PERP: variants seen among roughly 807,000 people sequenced by gnomAD.
PERP encodes p53 apoptosis effector related to PMP22.
In PERP, 11 loss-of-function variants were observed where a neutral mutation model predicts 20.3. The ratio of observed to expected loss-of-function variants is 0.54; its 90% CI spans 0.34 to 0.90. The LOEUF (loss-of-function observed/expected upper bound fraction) is 0.90. Ranked by LOEUF, PERP falls within the 40% of genes least tolerant of loss-of-function variation. The pLI, the probability that PERP is intolerant of heterozygous loss-of-function variation, is 0.02. For missense variants in PERP, 224 were observed against 249.4 expected (o/e 0.90, Z 0.69); for synonymous variants, 101 against 102.0 (o/e 0.99, Z 0.06).
Position 138,102,773 on chromosome 6 carries a change from A to C in PERP, c.214+4354T>G, listed in dbSNP as rs80345194. On this transcript the variant is annotated intron_variant, in intron 1 of 2. Coordinates refer to ENST00000421351, the MANE Select transcript of PERP (RefSeq NM_022121.5). ...CCAACTTTTTATTTTTTGCTGTGTA[A>C]GAACTTGAATGCATACATGCTCGTG... Among the ~76,000 whole-genome samples the C allele has an allele frequency of 3.9e-3, 594 of 152,282 alleles. 6 individuals are homozygous for C. Among genetic ancestry groups the C allele is most frequent in the African/African-American group, 0.013 (542 of 41,566 alleles).
At chr6:138,104,246 A>G (rs933557594) in intron 1 of PERP, among the ~76,000 whole-genome samples, 3 of 152,212 alleles carry the variant, frequency 2.0e-5, no homozygotes, top group Admixed American at 1.3e-4. Context: ...AATGATTTCA[A>G]TCATTAATCT....
At position 138,096,386 on chromosome 6, in the gene PERP, A is replaced by G. The variant is rs1446367780; in HGVS notation, c.323T>C (p.Leu108Pro). ...GGCAAGGAGACCTCCAATCACTCTCAGGAAGACAAGCATCTGGGGTCCACA... is the reference window on the plus strand; with the variant it reads ...GGCAAGGAGACCTCCAATCACTCTCGGGAAGACAAGCATCTGGGGTCCACA... The part of the protein sequence containing the change: ...ALCGPQMLVF[L>P]RVIGGLLALA... The change falls in exon 2 of 3, where the codon CTG (leucine) becomes CCG (proline). Residue 108 changes from leucine to proline, a missense_variant. Physicochemically the swap from Leu to Pro is moderately conservative, Grantham distance 98. Transcript: ENST00000421351. The G allele has an allele frequency of 1.2e-6, 2 of 1,613,982 alleles. No homozygotes were observed. Among genetic ancestry groups the G allele is most frequent in the Non-Finnish European group, 1.7e-6 (2 of 1,179,986 alleles).
chr6:138,101,409 G>A (rs1775771066), intron 1 of PERP, among the ~76,000 whole-genome samples: 1 of 152,180 alleles, frequency 6.6e-6, no homozygotes. Flanking sequence ...TGAAGCTTGA[G>A]AAAATAAAAT....
Position 138,107,099 on chromosome 6 carries a change from G to A in PERP, c.214+28C>T, listed in dbSNP as rs1209590296. 1 of 1,574,408 alleles carries A rather than the reference G, an allele frequency of 6.4e-7. No individual in the cohort carries two copies. Among genetic ancestry groups the A allele is most frequent in the South Asian group, 1.1e-5 (1 of 88,670 alleles). On this transcript the variant is annotated intron_variant, in intron 1 of 2. Transcript: ENST00000421351. The surrounding 1 kb of genome is among the most constrained non-coding windows in gnomAD (Gnocchi z 4.8). The stretch of plus-strand genomic sequence containing the variant: ...GCGGCCCCGAGGGCTTCCTGGAGGC[G>A]GCGACGGCGGCGGCGGCGGGCACTC...
At chr6:138,101,100 C>A (rs969686915) in intron 1 of PERP, among the ~76,000 whole-genome samples, 1 of 152,128 alleles carries the variant, frequency 6.6e-6, no homozygotes, top group Non-Finnish European at 1.5e-5. Context: ...AGGCCAGCCG[C>A]GGTGGCTCAA....
intron 1 of PERP, among the ~76,000 whole-genome samples, chr6:138,102,259 G>A (rs893824176): frequency 2.0e-5 from 3 of 152,208 alleles, no homozygotes; most frequent in Non-Finnish European, 2.9e-5. Flanking sequence ...GAGGGGAGAA[G>A]CCATTCTATA....
chr6:138,105,459 C>G (rs978937152), intron 1 of PERP, among the ~76,000 whole-genome samples: 5 of 152,180 alleles, frequency 3.3e-5, no homozygotes, highest in African/African-American at 1.2e-4. Context: ...AGGTGGAACA[C>G]CACACCCTAA....
At chr6:138,094,678 T>C (rs1367229582) in intron 2 of PERP, among the ~76,000 whole-genome samples, 1 of 152,162 alleles carries the variant, frequency 6.6e-6, no homozygotes, top group African/African-American at 2.4e-5. Context: ...ATATAGTATT[T>C]ACTAGGATTT....
Position 138,100,655 on chromosome 6 carries a change from T to G in PERP, c.215-4161A>C, listed in dbSNP as rs1775757625. ...TTGAGACCACAAAAGCATTCAGTAC[T>G]CCAGGTAAATAGATGCTGCGTTTCT... is the stretch of plus-strand genomic sequence containing the variant. On this transcript the variant is annotated intron_variant, in intron 1 of 2. Coordinates refer to ENST00000421351, the MANE Select transcript of PERP (RefSeq NM_022121.5). Among the ~76,000 whole-genome samples, 3 of 152,108 alleles carry G rather than the reference T, an allele frequency of 2.0e-5. 1 individual carries two copies. Among genetic ancestry groups the G allele is most frequent in the South Asian group, 4.2e-4 (2 of 4,816 alleles).
chr6:138,101,201 C>G (rs145562245), intron 1 of PERP, among the ~76,000 whole-genome samples: 1,587 of 152,216 alleles, frequency 0.01, 31 homozygotes, highest in African/African-American at 0.036. Flanking sequence ...AAATCCCCAT[C>G]TCTACTAAAA....
At chr6:138,096,305 C>A in intron 2 of PERP, 49 bp downstream of exon 2, 1 of 1,601,218 alleles carries the variant, frequency 6.2e-7, no homozygotes. Flanking sequence ...ATTACTAAGT[C>A]GATGCCCACT....
chr6:138,096,531 A>G lies in PERP; in HGVS notation c.215-37T>C, dbSNP rs201283960. 3 of 1,575,808 alleles carry G rather than the reference A, an allele frequency of 1.9e-6. No individual in the cohort carries two copies. The South Asian group carries it at 3.5e-5, about 18-fold the overall frequency. On this transcript the variant is annotated intron_variant, in intron 1 of 2. Coordinates refer to ENST00000421351, the MANE Select transcript of PERP (RefSeq NM_022121.5). ...AAAGAAACAGCAATTAACAAGACAGACATACCAAGTTTAAAAATTACTTAT... is the reference window on the plus strand; with the variant it reads ...AAAGAAACAGCAATTAACAAGACAGGCATACCAAGTTTAAAAATTACTTAT...
chr6:138,099,436 G>A (rs1556639), intron 1 of PERP, among the ~76,000 whole-genome samples: 1 of 151,796 alleles, frequency 6.6e-6, no homozygotes, highest in Non-Finnish European at 1.5e-5. Flanking sequence ...TATGAGTTCA[G>A]AAGTTTGAAA....
chr6:138,101,908 C>T (rs1775779606), intron 1 of PERP, among the ~76,000 whole-genome samples: 1 of 152,150 alleles, frequency 6.6e-6, no homozygotes, highest in Admixed American at 6.5e-5. Flanking sequence ...AGTTAAAATG[C>T]CGATTCCGAT....
chr6:138,104,933 C>T (rs1428105168), intron 1 of PERP, among the ~76,000 whole-genome samples: 2 of 150,580 alleles, frequency 1.3e-5, no homozygotes, highest in Non-Finnish European at 2.9e-5. Context: ...CTTACAGTGT[C>T]GTTATACACA....
At chr6:138,096,271 C>A in intron 2 of PERP, 83 bp downstream of exon 2, 1 of 1,496,034 alleles carries the variant, frequency 6.7e-7, no homozygotes. Context: ...GTAACAGTCA[C>A]GGGTCTTCTT....
intron 1 of PERP, among the ~76,000 whole-genome samples, chr6:138,101,332 T>A (rs563123139): frequency 6.6e-6 from 1 of 152,312 alleles, no homozygotes; most frequent in East Asian, 1.9e-4. Context: ...ATTGCGCCAC[T>A]GCACTCTAGC....
chr6:138,107,102 G>T lies in PERP; in HGVS notation c.214+25C>A. Reference sequence around the variant, plus strand: ...GCCCCGAGGGCTTCCTGGAGGCGGCGACGGCGGCGGCGGCGGGCACTCACC... The same window carrying T: ...GCCCCGAGGGCTTCCTGGAGGCGGCTACGGCGGCGGCGGCGGGCACTCACC... On this transcript the variant is annotated intron_variant, in intron 1 of 2. Transcript: ENST00000421351. This position sits in a 1 kb window ranked among gnomAD's most constrained non-coding sequence, Gnocchi z 4.8. The T allele has an allele frequency of 6.3e-7, 1 of 1,575,008 alleles. No homozygotes were observed.
intron 2 of PERP, among the ~76,000 whole-genome samples, chr6:138,093,590 G>A (rs2114330419): frequency 6.6e-6 from 1 of 152,190 alleles, no homozygotes; most frequent in African/African-American, 2.4e-5. Flanking sequence ...TACTGTGTAA[G>A]ATACAAAAGC....
Sources: gnomAD v4.1 joint callset for allele counts (sites outside exome capture counted in the v4.1 genomes callset) on GRCh38, gnomAD v4.1.1 for gene constraint, Gnocchi (gnomAD v3.1) non-coding constraint, MANE v1.5 for transcripts, NCBI Gene and HGNC (gene_info 2026-07-23, HGNC 2026-07-21) for gene names.